The following QTMAN variants were observed in gnomAD, a reference collection of about 807,000 sequenced individuals.
The protein encoded by QTMAN is queuosine-tRNA mannosyltransferase, also known as tRNA-queuosine alpha-mannosyltransferase.
At chr2:144,280,956 G>A in the QTMAN span, among the ~76,000 whole-genome samples, 2 of 151,050 alleles carry the variant, frequency 1.3e-5, no homozygotes, top group Admixed American at 6.6e-5. Flanking sequence ...TGTGCACAAC[G>A]TGCAGGTTTG....
the QTMAN span, among the ~76,000 whole-genome samples, chr2:144,166,964 A>T: frequency 6.6e-6 from 1 of 152,064 alleles, no homozygotes; most frequent in Non-Finnish European, 1.5e-5. Context: ...CTCTGGGGAA[A>T]CTCATAGTAC....
At chr2:144,145,597 AT>A in the QTMAN span, 1 of 1,610,066 alleles carries the variant, frequency 6.2e-7, no homozygotes. Context: ...TTGTATCCAT[AT>A]TGGAAATCCC....
chr2:144,027,802 G>A, the QTMAN span, among the ~76,000 whole-genome samples: 1 of 152,206 alleles, frequency 6.6e-6, no homozygotes, highest in East Asian at 1.9e-4. Context: ...AATGCTCTAA[G>A]TGATTAAGAT....
At chr2:144,071,659 C>T in the QTMAN span, among the ~76,000 whole-genome samples, 1 of 152,160 alleles carries the variant, frequency 6.6e-6, no homozygotes, top group Non-Finnish European at 1.5e-5. Flanking sequence ...GCCTTCATCT[C>T]AATGGCCATC....
the QTMAN span, among the ~76,000 whole-genome samples, chr2:144,024,942 G>GA: frequency 3.8e-4 from 58 of 152,126 alleles, no homozygotes; most frequent in Non-Finnish European, 4.0e-4. Context: ...TATTTTGAAA[G>GA]AAAAAAATTA....
the QTMAN span, among the ~76,000 whole-genome samples, chr2:143,979,149 T>C: frequency 6.6e-6 from 1 of 150,650 alleles, no homozygotes. Flanking sequence ...AATACAGTAA[T>C]GTAACAGAAT....
chr2:143,952,048 T>C, the QTMAN span: 21 of 1,605,100 alleles, frequency 1.3e-5, no homozygotes, highest in African/African-American at 1.6e-4. Flanking sequence ...TTGAAAGCTG[T>C]TCAGGTGTAG....
At chr2:144,328,302 G>T in the QTMAN span, among the ~76,000 whole-genome samples, 1 of 152,040 alleles carries the variant, frequency 6.6e-6, no homozygotes, top group South Asian at 2.1e-4. Context: ...TAAATGACTT[G>T]TGTGATCCTA....
At chr2:143,956,784 A>ATT in the QTMAN span, among the ~76,000 whole-genome samples, 6 of 150,784 alleles carry the variant, frequency 4.0e-5, no homozygotes, top group East Asian at 2.0e-4. Context: ...TAATTTAATC[A>ATT]TTTTTTTTTC....
At chr2:144,179,708 C>T in the QTMAN span, among the ~76,000 whole-genome samples, 1 of 152,138 alleles carries the variant, frequency 6.6e-6, no homozygotes. Flanking sequence ...GCCTACAAAA[C>T]TCAAGAAGTA....
At chr2:143,979,184 T>C in the QTMAN span, among the ~76,000 whole-genome samples, 1 of 150,812 alleles carries the variant, frequency 6.6e-6, no homozygotes, top group Non-Finnish European at 1.5e-5. Context: ...AAACCCTCAC[T>C]GGATGGGCTC....
the QTMAN span, among the ~76,000 whole-genome samples, chr2:144,292,960 G>A: frequency 6.6e-6 from 1 of 152,002 alleles, no homozygotes; most frequent in Non-Finnish European, 1.5e-5. Context: ...TCAAAATGTG[G>A]CACCAAGCTA....
chr2:143,963,833 C>A, the QTMAN span: 1 of 151,962 alleles, frequency 6.6e-6, no homozygotes, highest in Non-Finnish European at 1.5e-5. Flanking sequence ...CAGCAAAGGA[C>A]TGGGAGACAG....
the QTMAN span, among the ~76,000 whole-genome samples, chr2:144,243,037 T>C: frequency 6.7e-6 from 1 of 148,594 alleles, no homozygotes; most frequent in Non-Finnish European, 1.5e-5. Flanking sequence ...ACCTCACAAA[T>C]GGAGTAACCC....
the QTMAN span, chr2:143,945,230 C>T: frequency 1.3e-4 from 20 of 152,136 alleles, no homozygotes; most frequent in Non-Finnish European, 2.5e-4. Flanking sequence ...CAAAGGAACA[C>T]ACCTGCTAGA....
the QTMAN span, among the ~76,000 whole-genome samples, chr2:143,977,363 G>A: frequency 2.6e-5 from 4 of 152,088 alleles, no homozygotes; most frequent in Non-Finnish European, 4.4e-5. Flanking sequence ...CTCCTACACC[G>A]TGTCTCCACT....
At chr2:144,166,951 A>T in the QTMAN span, among the ~76,000 whole-genome samples, 1 of 151,986 alleles carries the variant, frequency 6.6e-6, no homozygotes, top group African/African-American at 2.4e-5. Flanking sequence ...ACTCCATCCT[A>T]TTCTCTGGGG....
chr2:144,076,488 T>C, the QTMAN span, among the ~76,000 whole-genome samples: 1 of 152,144 alleles, frequency 6.6e-6, no homozygotes, highest in Non-Finnish European at 1.5e-5. Context: ...TATGGAATGA[T>C]AAATTGATGC....
At chr2:143,985,296 G>C in the QTMAN span, among the ~76,000 whole-genome samples, 4 of 152,226 alleles carry the variant, frequency 2.6e-5, no homozygotes, top group South Asian at 8.3e-4. Flanking sequence ...CAGCCCTGTT[G>C]CAAGTCCCAC....
Sources: allele counts gnomAD v4.1 joint callset (sites outside exome capture counted in the v4.1 genomes callset), GRCh38; gene constraint gnomAD v4.1.1; transcripts MANE v1.5; gene names NCBI Gene and HGNC (gene_info 2026-07-23, HGNC 2026-07-21).